Variants in RSBN1L observed in about 807,000 individuals in gnomAD.
The protein encoded by RSBN1L is lysine-specific demethylase RSBN1L.
Under a neutral mutation model 67.7 loss-of-function variants are expected in RSBN1L, and 30 were observed. The ratio of observed to expected loss-of-function variants is 0.44; its 90% CI spans 0.33 to 0.60. RSBN1L has a LOEUF of 0.60. Among genes scored for constraint, RSBN1L ranks in the 20% least tolerant of loss-of-function variants. The probability of loss-of-function intolerance (pLI) is 0.02; values close to 1 mark genes in which losing one functional copy is unlikely to be tolerated. For missense variants in RSBN1L, 992 were observed against 1,031.7 expected (o/e 0.96, Z 0.53); for synonymous variants, 433 against 387.0 (o/e 1.12, Z -1.39).
rs1245098261 is a variant in RSBN1L, at chr7:77,697,312, C to G, written c.586+257C>G. On this transcript the variant is annotated intron_variant, in intron 1 of 7. Transcript: ENST00000334955. ...TTTCTTCCTCCCAGTTAGTGCGCTG[C>G]AGGATTTGTGAAAATCCATCTTGAG... 8.3e-6 allele frequency: 3 copies of G among 359,480 alleles called. No individual in the cohort carries two copies. In the East Asian group the frequency reaches 1.3e-4, roughly 15 times the overall value. 22.3% of individuals were successfully genotyped at this position (359,480 alleles called of 1,614,324 possible).
At chr7:77,774,963 G>T (rs1350957913) in intron 6 of RSBN1L, among the ~76,000 whole-genome samples, 3 of 151,952 alleles carry the variant, frequency 2.0e-5, no homozygotes, top group Non-Finnish European at 4.4e-5. Flanking sequence ...CCATCTTCAA[G>T]CAAGCCTCCT....
intron 2 of RSBN1L, among the ~76,000 whole-genome samples, chr7:77,748,917 C>G (rs1252427816): frequency 1.3e-5 from 2 of 148,250 alleles, no homozygotes; most frequent in Admixed American, 6.8e-5. Context: ...CTGTCTGTCT[C>G]TCTCTTTCTC....
chr7:77,705,389 T>G (rs936499750), intron 1 of RSBN1L, among the ~76,000 whole-genome samples: 4 of 152,180 alleles, frequency 2.6e-5, no homozygotes, highest in African/African-American at 4.8e-5. Flanking sequence ...GTGAGAGTGT[T>G]TCCTAGGTAC....
At chr7:77,748,589 A>G (rs1035454479) in intron 2 of RSBN1L, among the ~76,000 whole-genome samples, 52 of 151,912 alleles carry the variant, frequency 3.4e-4, no homozygotes, top group African/African-American at 1.2e-3. Context: ...AGTTCAAGCA[A>G]TTCTCCTGCC....
intron 1 of RSBN1L, among the ~76,000 whole-genome samples, chr7:77,725,869 C>T (rs1022015333): frequency 6.6e-6 from 1 of 152,188 alleles, no homozygotes; most frequent in African/African-American, 2.4e-5. Context: ...CAGGCAAGAG[C>T]CACTGCGCCT....
At chr7:77,741,281 C>T (rs1453525787) in intron 2 of RSBN1L, among the ~76,000 whole-genome samples, 1 of 152,004 alleles carries the variant, frequency 6.6e-6, no homozygotes, top group East Asian at 1.9e-4. Flanking sequence ...GCCACTGCAC[C>T]TGGCCACCAT....
chr7:77,728,149 C>T (rs899401572), intron 1 of RSBN1L, among the ~76,000 whole-genome samples: 5 of 152,224 alleles, frequency 3.3e-5, no homozygotes, highest in South Asian at 2.1e-4. Flanking sequence ...CTGGGTCCTC[C>T]GATCTCACAT....
chr7:77,742,874 C>T (rs1015148588), intron 2 of RSBN1L, among the ~76,000 whole-genome samples: 2 of 152,124 alleles, frequency 1.3e-5, no homozygotes, highest in African/African-American at 4.8e-5. Context: ...ATTGTTTGCA[C>T]AGTTTTGGCA....
intron 1 of RSBN1L, among the ~76,000 whole-genome samples, chr7:77,701,962 T>C (rs1754454072): frequency 6.7e-6 from 1 of 148,478 alleles, no homozygotes; most frequent in Non-Finnish European, 1.5e-5. Context: ...CTTGACTGAA[T>C]TTTAAAGTTT....
intron 1 of RSBN1L, among the ~76,000 whole-genome samples, chr7:77,698,836 T>C (rs118089010): frequency 4.1e-4 from 62 of 152,222 alleles, no homozygotes; most frequent in Non-Finnish European, 8.5e-4. Flanking sequence ...GCTATCTTGT[T>C]GAGGAAAAAC....
chr7:77,764,209 C>T (rs1368527250), intron 3 of RSBN1L, among the ~76,000 whole-genome samples: 1 of 152,140 alleles, frequency 6.6e-6, no homozygotes, highest in Non-Finnish European at 1.5e-5. Context: ...AATTGGTCTC[C>T]TAAATTTGTT....
chr7:77,725,244 C>CTTTTGTTTTTTTT (rs1791183162), intron 1 of RSBN1L, among the ~76,000 whole-genome samples: 1 of 73,660 alleles, frequency 1.4e-5, no homozygotes, highest in Non-Finnish European at 2.4e-5. Flanking sequence ...AAGCCCCCCA[C>CTTTTGTTTTTTTT]TTTTTTTTTT....
chr7:77,746,782 G>C (rs1791489923), intron 2 of RSBN1L, among the ~76,000 whole-genome samples: 1 of 152,196 alleles, frequency 6.6e-6, no homozygotes, highest in Non-Finnish European at 1.5e-5. Flanking sequence ...TGTTCCAAAA[G>C]GGAGAAATTG....
intron 2 of RSBN1L, among the ~76,000 whole-genome samples, chr7:77,748,838 G>A (rs17157277): frequency 0.047 from 7,165 of 152,176 alleles, 357 homozygotes; most frequent in African/African-American, 0.12. Context: ...TAAACTGTGA[G>A]CATTTGCTAT....
In RSBN1L at chr7:77,780,169, G is replaced by A. The variant is rs1791980874; in HGVS notation, c.*1001G>A. ...TAACAACCAAGACTCAGTTAAGAAA[G>A]TGTGCATCTGCGTGTGTGTGAATGT... is the stretch of plus-strand genomic sequence containing the variant. On this transcript the variant is annotated 3_prime_UTR_variant, in exon 8 of 8. Transcript: ENST00000334955. The A allele has an allele frequency of 6.6e-6, 1 of 151,918 alleles. No individual in the cohort carries two copies. Among genetic ancestry groups the A allele is most frequent in the African/African-American group, 2.4e-5 (1 of 41,354 alleles). The allele number at this position is 151,918 out of a possible 1,614,324, so 9.4% of individuals were successfully genotyped here.
intron 1 of RSBN1L, among the ~76,000 whole-genome samples, chr7:77,713,712 AG>A (rs1422202002): frequency 6.7e-6 from 1 of 150,272 alleles, no homozygotes; most frequent in Non-Finnish European, 1.5e-5. Flanking sequence ...TGTGTTGCCC[AG>A]GCTGATCTCA....
intron 3 of RSBN1L, among the ~76,000 whole-genome samples, chr7:77,758,505 A>ATT (rs1307021722): frequency 6.6e-6 from 1 of 152,308 alleles, no homozygotes; most frequent in Middle Eastern, 3.4e-3. Flanking sequence ...TCCAGTTAAC[A>ATT]ACACTCTTTT....
At chr7:77,731,064 C>T (rs1411893869) in intron 1 of RSBN1L, among the ~76,000 whole-genome samples, 1 of 152,152 alleles carries the variant, frequency 6.6e-6, no homozygotes, top group Non-Finnish European at 1.5e-5. Flanking sequence ...GGATTTTGGT[C>T]ATTCTAATAG....
chr7:77,770,547 G>C (rs986403722), intron 5 of RSBN1L, among the ~76,000 whole-genome samples: 1 of 151,988 alleles, frequency 6.6e-6, no homozygotes, highest in African/African-American at 2.4e-5. Flanking sequence ...AGCCAATGTG[G>C]TGGTACATGC....
Sources: allele counts gnomAD v4.1 joint callset (sites outside exome capture counted in the v4.1 genomes callset), GRCh38; gene constraint gnomAD v4.1.1; transcripts MANE v1.5; gene names NCBI Gene and HGNC (gene_info 2026-07-23, HGNC 2026-07-21).